Variants in GHR observed in about 807,000 individuals in gnomAD.
The protein encoded by GHR is growth hormone receptor, also known as GH receptor.
GHR carries 35 observed loss-of-function variants against 67.1 expected under a neutral mutation model. The observed-to-expected ratio is 0.52, with a 90% CI of 0.40 to 0.69. The LOEUF is 0.69. Ranked by LOEUF, GHR falls within the 30% of genes least tolerant of loss-of-function variation. The pLI, the probability that GHR is intolerant of heterozygous loss-of-function variation, is 0.00. For missense variants in GHR, 792 were observed against 764.6 expected (o/e 1.04, Z -0.42); for synonymous variants, 272 against 269.1 (o/e 1.01, Z -0.10).
Position 42,526,575 on chromosome 5 carries a change from TAGAA to T in GHR, c.-11-39283_-11-39280del, listed in dbSNP as rs141313131. ...ATAGAAGATCTAAGACTTTCATAGT[TAGAA>T]AGAAAAAGTCAATGCTGGGCTTTAA... On this transcript the variant is annotated intron_variant, in intron 1 of 9. Transcript: ENST00000230882. 7.9e-3 allele frequency among the ~76,000 whole-genome samples: 1,207 copies of T among 152,288 alleles called. 17 individuals carry two copies. The highest frequency in any genetic ancestry group is 0.028 in the African/African-American group (1,156 of 41,550).
At chr5:42,662,904 A>T (rs945931032) in intron 3 of GHR, among the ~76,000 whole-genome samples, 1 of 152,192 alleles carries the variant, frequency 6.6e-6, no homozygotes, top group East Asian at 1.9e-4. Flanking sequence ...AAAAAATGAT[A>T]AAGAGGATAT....
chr5:42,565,588 G>T, intron 1 of GHR: 1 of 985,354 alleles, frequency 1.0e-6, no homozygotes, highest in Non-Finnish European at 1.2e-6. Context: ...GCTGTGAGGT[G>T]TTTCTATGGC....
chr5:42,503,644 G>C (rs955066376), intron 1 of GHR, among the ~76,000 whole-genome samples: 1 of 152,142 alleles, frequency 6.6e-6, no homozygotes, highest in African/African-American at 2.4e-5. Flanking sequence ...TGTGAAGGGA[G>C]ACCACCTCTA....
At chr5:42,579,116 TA>T (rs1183788868) in intron 2 of GHR, among the ~76,000 whole-genome samples, 1,431 of 85,848 alleles carry the variant, frequency 0.017, 11 homozygotes, top group African/African-American at 0.034. Flanking sequence ...GATAGATAGA[TA>T]GATAGATAGA....
At chr5:42,708,017 C>T (rs1190125033) in intron 6 of GHR, among the ~76,000 whole-genome samples, 2 of 152,038 alleles carry the variant, frequency 1.3e-5, no homozygotes, top group South Asian at 2.1e-4. Flanking sequence ...TTATGTTACT[C>T]ATTAGCCTCC....
chr5:42,549,447 G>T (rs1389575722), intron 1 of GHR: 4 of 152,392 alleles, frequency 2.6e-5, no homozygotes, highest in African/African-American at 9.6e-5. Context: ...TGTAATAAGG[G>T]TTTATTAAGG....
chr5:42,591,927 G>A (rs967679709), intron 2 of GHR, among the ~76,000 whole-genome samples: 3 of 152,082 alleles, frequency 2.0e-5, no homozygotes, highest in Admixed American at 6.5e-5. Flanking sequence ...TCCAAAGGCC[G>A]GTCTCACTCC....
intron 3 of GHR, 32 bp from the exon 4 acceptor site, chr5:42,688,858 T>G (rs772340197): frequency 6.2e-7 from 1 of 1,610,006 alleles, no homozygotes; most frequent in South Asian, 1.1e-5. Context: ...CTCACCTGAT[T>G]TCATGCCTTG....
intron 1 of GHR, among the ~76,000 whole-genome samples, chr5:42,484,804 T>C (rs918906501): frequency 6.6e-6 from 1 of 152,238 alleles, no homozygotes; most frequent in African/African-American, 2.4e-5. Context: ...TCCTATGCAG[T>C]TTCCTATGGA....
intron 2 of GHR, among the ~76,000 whole-genome samples, chr5:42,577,095 G>A (rs1017724360): frequency 1.3e-5 from 2 of 152,196 alleles, no homozygotes; most frequent in African/African-American, 4.8e-5. Flanking sequence ...TCTAGGTTAG[G>A]CAAGACTAGA....
intron 5 of GHR, among the ~76,000 whole-genome samples, chr5:42,697,242 G>T (rs1304446514): frequency 7.2e-5 from 11 of 152,294 alleles, no homozygotes; most frequent in South Asian, 6.2e-4. Context: ...TGGATTTGAA[G>T]TACTATATTA....
chr5:42,658,115 C>G (rs1405627157), intron 3 of GHR, among the ~76,000 whole-genome samples: 6 of 152,074 alleles, frequency 3.9e-5, no homozygotes, highest in Non-Finnish European at 8.8e-5. Context: ...AAGTACAAAA[C>G]TATCTCAAAT....
intron 2 of GHR, among the ~76,000 whole-genome samples, chr5:42,585,591 C>T (rs969845741): frequency 1.3e-5 from 2 of 152,108 alleles, no homozygotes; most frequent in East Asian, 1.9e-4. Context: ...TTTTGCTGCA[C>T]GTTTTTTAAA....
intron 4 of GHR, among the ~76,000 whole-genome samples, chr5:42,694,157 C>T (rs1365929410): frequency 1.3e-5 from 2 of 152,146 alleles, no homozygotes; most frequent in Non-Finnish European, 2.9e-5. Flanking sequence ...CTTTTAAGGA[C>T]CCTAGAGAGC....
At chr5:42,539,107 C>T (rs2112370486) in intron 1 of GHR, among the ~76,000 whole-genome samples, 1 of 152,110 alleles carries the variant, frequency 6.6e-6, no homozygotes, top group East Asian at 1.9e-4. Flanking sequence ...TATCAGATTT[C>T]CTTGCGTTGG....
chr5:42,677,351 C>G (rs905940066), intron 3 of GHR, among the ~76,000 whole-genome samples: 1 of 152,210 alleles, frequency 6.6e-6, no homozygotes, highest in African/African-American at 2.4e-5. Context: ...CACACAGTAT[C>G]TGCGTGAGTG....
intron 2 of GHR, among the ~76,000 whole-genome samples, chr5:42,567,767 CTGTGTGTGTGTGTGTGTG>C (rs68150223): frequency 3.0e-4 from 42 of 140,816 alleles, no homozygotes; most frequent in Non-Finnish European, 4.3e-4. Context: ...ATGCTTGGCT[CTGTGTGTGTGTGTGTGTG>C]TGTGTGTGTG....
chr5:42,481,319 C>T (rs1251555590), intron 1 of GHR, among the ~76,000 whole-genome samples: 4 of 152,288 alleles, frequency 2.6e-5, no homozygotes, highest in East Asian at 1.9e-4. Context: ...CTGCCCTGAA[C>T]ATTTTTTCCT....
chr5:42,665,341 C>G, intron 3 of GHR, among the ~76,000 whole-genome samples: 1 of 152,176 alleles, frequency 6.6e-6, no homozygotes, highest in Non-Finnish European at 1.5e-5. Flanking sequence ...AGACTTGGAA[C>G]CAACCCGAAT....
Sources: gnomAD v4.1 joint callset for allele counts (sites outside exome capture counted in the v4.1 genomes callset) on GRCh38, gnomAD v4.1.1 for gene constraint, MANE v1.5 for transcripts, NCBI Gene and HGNC (gene_info 2026-07-23, HGNC 2026-07-21) for gene names.